Variants in IGDCC3 observed in about 807,000 individuals in gnomAD.
The protein encoded by IGDCC3 is immunoglobulin superfamily DCC subclass member 3.
IGDCC3 carries 47 observed loss-of-function variants against 72.0 expected under a neutral mutation model. The ratio of observed to expected loss-of-function variants is 0.65; its 90% CI spans 0.52 to 0.83. The LOEUF (loss-of-function observed/expected upper bound fraction) is 0.83. Among genes scored for constraint, IGDCC3 ranks in the 40% least tolerant of loss-of-function variants. The pLI is 0.00. For missense variants in IGDCC3, 1,038 were observed against 1,091.3 expected, an observed-to-expected ratio of 0.95 and a Z score of 0.69; for synonymous variants, 477 against 472.8, an observed-to-expected ratio of 1.01 and a Z score of -0.11.
chr15:65,342,863 TTTTG>T (rs1265721829), intron 2 of IGDCC3, among the ~76,000 whole-genome samples: 11 of 151,126 alleles, frequency 7.3e-5, no homozygotes, highest in South Asian at 2.1e-4. Flanking sequence ...GTTTGTTTTT[TTTTG>T]TTTGTTTTTG....
intron 2 of IGDCC3, among the ~76,000 whole-genome samples, chr15:65,374,786 G>T (rs1048870981): frequency 5.3e-5 from 8 of 152,214 alleles, no homozygotes; most frequent in Non-Finnish European, 8.8e-5. Context: ...GCACCGGGAT[G>T]CTCAAAGTAT....
chr15:65,331,298 C>T, intron 8 of IGDCC3, 84 bp from the exon 9 acceptor site: 3 of 1,573,396 alleles, frequency 1.9e-6, no homozygotes, highest in Non-Finnish European at 2.6e-6. Flanking sequence ...AGCCAGGGTG[C>T]CCGGGGGGAC....
chr15:65,332,032 C>T lies in IGDCC3; in HGVS notation c.1057G>A (p.Ala353Thr), dbSNP rs2090982858. 18 of 1,614,216 alleles carry T rather than the reference C, an allele frequency of 1.1e-5. No homozygotes were observed. Among genetic ancestry groups the T allele is most frequent in the Non-Finnish European group, 1.4e-5 (17 of 1,180,028 alleles). ...ACATGAGGCGGTGGCTCACCCTGGGCTTGGCAGGTGAACATGGCTGTGGTC... is the reference window on the plus strand; with the variant it reads ...ACATGAGGCGGTGGCTCACCCTGGGTTTGGCAGGTGAACATGGCTGTGGTC... ...AGTTAMFTCQAQGEPPPHVTW... is the reference protein window; with the variant it reads ...AGTTAMFTCQTQGEPPPHVTW... Residue 353 changes from alanine to threonine, a missense_variant, in exon 7 of 14, where the codon GCC becomes ACC. Transcript: ENST00000327987.
Position 65,333,328 on chromosome 15 carries a change from A to T in IGDCC3, c.911T>A (p.Val304Asp), listed in dbSNP as rs777071518. The T allele has an allele frequency of 6.2e-7, 1 of 1,613,338 alleles. No individual in the cohort carries two copies. The highest frequency in any genetic ancestry group is 8.5e-7 in the Non-Finnish European group (1 of 1,179,706). Residue 304 changes from valine to aspartate, a missense_variant, in exon 6 of 14, where the codon GTC becomes GAC. Physicochemically the swap from Val to Asp is radical, Grantham distance 152. Transcript: ENST00000327987. ...ISDVTVQHSGVYVCAANRPGT... is the reference protein window; with the variant it reads ...ISDVTVQHSGDYVCAANRPGT... ...AGGTCTGTTGGCTGCACAGACGTAGACGCCAGAGTGCTGGACCGTCACGTC... is the reference window on the plus strand; with the variant it reads ...AGGTCTGTTGGCTGCACAGACGTAGTCGCCAGAGTGCTGGACCGTCACGTC...
intron 2 of IGDCC3, among the ~76,000 whole-genome samples, chr15:65,341,611 C>T (rs1443751654): frequency 6.6e-6 from 1 of 152,200 alleles, no homozygotes; most frequent in African/African-American, 2.4e-5. Context: ...TGAGATAAGC[C>T]AGTCACAAAA....
intron 2 of IGDCC3, among the ~76,000 whole-genome samples, chr15:65,337,676 T>C (rs2091043525): frequency 6.6e-6 from 1 of 152,116 alleles, no homozygotes; most frequent in African/African-American, 2.4e-5. Flanking sequence ...GAGGTGCTGC[T>C]GGAGCCCCTC....
chr15:65,329,897 C>G lies in IGDCC3; in HGVS notation c.1859-33G>C. On this transcript the variant is annotated intron_variant, in intron 11 of 13. Coordinates refer to ENST00000327987, the MANE Select transcript of IGDCC3 (RefSeq NM_004884.4). This position sits in a 1 kb window ranked among gnomAD's most constrained non-coding sequence, Gnocchi z 4.1. Reference sequence around the variant, plus strand: ...CAGGGACGGGTTGGAGGCTTTGGCTCTCCAGGTCTGAAGCACTCCCAAACA... The same window carrying G: ...CAGGGACGGGTTGGAGGCTTTGGCTGTCCAGGTCTGAAGCACTCCCAAACA... 2 of 1,612,856 alleles carry G rather than the reference C, an allele frequency of 1.2e-6. No homozygotes were observed. The highest frequency in any genetic ancestry group is 1.7e-6 in the Non-Finnish European group (2 of 1,179,824).
chr15:65,342,448 C>T (rs150803270), intron 2 of IGDCC3, among the ~76,000 whole-genome samples: 2 of 152,184 alleles, frequency 1.3e-5, no homozygotes, highest in East Asian at 3.9e-4. Flanking sequence ...CTCTTACTAG[C>T]TTCATTTCAA....
intron 2 of IGDCC3, among the ~76,000 whole-genome samples, chr15:65,360,478 G>A (rs1455702349): frequency 6.6e-6 from 1 of 152,224 alleles, no homozygotes; most frequent in Admixed American, 6.5e-5. Flanking sequence ...TAAGGTACAG[G>A]AGAATTGGAA....
chr15:65,369,852 TCTC>T (rs1407433145), intron 2 of IGDCC3, among the ~76,000 whole-genome samples: 1 of 151,870 alleles, frequency 6.6e-6, no homozygotes, highest in Non-Finnish European at 1.5e-5. Context: ...TGCCCGCAGT[TCTC>T]CTAACCCCCA....
At position 65,374,789 on chromosome 15, in the gene IGDCC3, C is replaced by G. The variant is rs551329522; in HGVS notation, c.409+308G>C. Among the ~76,000 whole-genome samples the G allele has an allele frequency of 3.3e-5, 5 of 152,282 alleles. No individual in the cohort carries two copies. The East Asian group carries it at 7.7e-4, about 24-fold the overall frequency. ...ATCAAACTCAGTGCACCGGGATGCTCAAAGTATGAAAGGCATATGGAAACT... is the reference window on the plus strand; with the variant it reads ...ATCAAACTCAGTGCACCGGGATGCTGAAAGTATGAAAGGCATATGGAAACT... On this transcript the variant is annotated intron_variant, in intron 2 of 13. Coordinates refer to ENST00000327987, the MANE Select transcript of IGDCC3 (RefSeq NM_004884.4).
intron 2 of IGDCC3, among the ~76,000 whole-genome samples, chr15:65,360,650 A>G (rs1272836586): frequency 1.3e-5 from 2 of 152,212 alleles, no homozygotes; most frequent in East Asian, 3.8e-4. Context: ...AGATCTGAGA[A>G]GTGTTTGTTG....
In IGDCC3 at chr15:65,370,620, G is replaced by GTATATATATATA. The variant is rs71136346; in HGVS notation, c.409+4465_409+4476dup. On this transcript the variant is annotated intron_variant, in intron 2 of 13. Coordinates refer to ENST00000327987, the MANE Select transcript of IGDCC3 (RefSeq NM_004884.4). ...TATGTATGTGTATATATATGTATGTGTATATATATATATATATATATATAT... is the reference window on the plus strand; with the variant it reads ...TATGTATGTGTATATATATGTATGTGTATATATATATATATATATATATATATATATATATAT... Among the ~76,000 whole-genome samples, 632 of 94,464 alleles carry GTATATATATATA rather than the reference G, an allele frequency of 6.7e-3. 15 individuals carry two copies. The highest frequency in any genetic ancestry group is 0.042 in the East Asian group (143 of 3,372). 62.0% of individuals were successfully genotyped at this position (94,464 alleles called of 152,430 possible). A position where few individuals can be genotyped will look rare whatever the true frequency, so the allele number is the denominator to read the frequency against.
intron 2 of IGDCC3, among the ~76,000 whole-genome samples, chr15:65,370,552 G>A (rs2091317158): frequency 7.3e-6 from 1 of 136,808 alleles, no homozygotes; most frequent in South Asian, 2.2e-4. Flanking sequence ...ATATATATGT[G>A]TGTGTGTATA....
chr15:65,368,160 T>TCAAACA (rs1555432437), intron 2 of IGDCC3, among the ~76,000 whole-genome samples: 14 of 146,316 alleles, frequency 9.6e-5, no homozygotes, highest in Admixed American at 1.3e-4. Flanking sequence ...TCTCTTTCAC[T>TCAAACA]CACACACACA....
intron 1 of IGDCC3, among the ~76,000 whole-genome samples, chr15:65,376,780 A>G (rs2091361836): frequency 6.6e-6 from 1 of 152,214 alleles, no homozygotes; most frequent in East Asian, 1.9e-4. Flanking sequence ...TGCGGACGCG[A>G]GCTTCTACTT....
At chr15:65,361,957 C>T (rs1040299770) in intron 2 of IGDCC3, among the ~76,000 whole-genome samples, 3 of 152,186 alleles carry the variant, frequency 2.0e-5, no homozygotes, top group African/African-American at 7.2e-5. Flanking sequence ...CGACCGCATC[C>T]TGAAACTTCG....
Position 65,377,848 on chromosome 15 carries a change from G to C in IGDCC3, c.-60C>G, listed in dbSNP as rs1177248288. On this transcript the variant is annotated 5_prime_UTR_variant, in exon 1 of 14. Transcript: ENST00000327987. The surrounding 1 kb of genome is among the most constrained non-coding windows in gnomAD (Gnocchi z 4.9). ...GCTCCCGGGCCTCTCGCGGCTCACA[G>C]CGTCCCGCGGGGCCGGCGCCGGGGC... 1 of 1,109,804 alleles carries C rather than the reference G, an allele frequency of 9.0e-7. No homozygotes were observed. The highest frequency in any genetic ancestry group is 1.1e-6 in the Non-Finnish European group (1 of 910,852). 68.7% of individuals were successfully genotyped at this position (1,109,804 alleles called of 1,614,324 possible). A position where few individuals can be genotyped will look rare whatever the true frequency, so the allele number is the denominator to read the frequency against.
At chr15:65,367,418 C>G (rs1399544444) in intron 2 of IGDCC3, among the ~76,000 whole-genome samples, 1 of 149,822 alleles carries the variant, frequency 6.7e-6, no homozygotes, top group Non-Finnish European at 1.5e-5. Context: ...AGGAGATATA[C>G]CTAATGCTAA....
Sources: gnomAD v4.1 joint callset for allele counts (sites outside exome capture counted in the v4.1 genomes callset) on GRCh38, gnomAD v4.1.1 for gene constraint, Gnocchi (gnomAD v3.1) non-coding constraint, MANE v1.5 for transcripts, NCBI Gene and HGNC (gene_info 2026-07-23, HGNC 2026-07-21) for gene names.